EPHA6: variants seen among roughly 807,000 people sequenced by gnomAD.
EPHA6 encodes EPH receptor A6.
EPHA6 carries 50 observed loss-of-function variants against 112.0 expected under a neutral mutation model. The observed-to-expected ratio is 0.45, with a 90% CI of 0.36 to 0.56. The LOEUF is 0.56. Ranked by LOEUF, EPHA6 falls within the 20% of genes least tolerant of loss-of-function variation. The probability of loss-of-function intolerance (pLI) is 0.00; values close to 1 mark genes in which losing one functional copy is unlikely to be tolerated. For missense variants in EPHA6, 1,280 were observed against 1,417.4 expected, an observed-to-expected ratio of 0.90 and a Z score of 1.56; for synonymous variants, 529 against 490.7, an observed-to-expected ratio of 1.08 and a Z score of -1.03.
At chr3:97,348,631 A>G (rs897315815) in intron 5 of EPHA6, among the ~76,000 whole-genome samples, 10 of 152,250 alleles carry the variant, frequency 6.6e-5, no homozygotes, top group African/African-American at 2.4e-4. Context: ...CAGTTACAAA[A>G]TGTAATTAAT....
intron 3 of EPHA6, among the ~76,000 whole-genome samples, chr3:97,187,733 GAAAGAA>G (rs1390813841): frequency 6.8e-6 from 1 of 147,642 alleles, no homozygotes; most frequent in East Asian, 2.0e-4. Context: ...AAGAAAGAAA[GAAAGAA>G]AGAAAGAGGA....
chr3:97,543,553 G>C (rs1014549397), intron 11 of EPHA6, among the ~76,000 whole-genome samples: 1 of 152,108 alleles, frequency 6.6e-6, no homozygotes, highest in East Asian at 1.9e-4. Context: ...TGTTCTTTTG[G>C]CTTAGGATTG....
At chr3:96,817,807 G>C (rs914163410) in intron 1 of EPHA6, among the ~76,000 whole-genome samples, 9 of 151,790 alleles carry the variant, frequency 5.9e-5, no homozygotes, top group Admixed American at 2.0e-4. Flanking sequence ...AAATGATGAT[G>C]ATAATGACAA....
intron 3 of EPHA6, among the ~76,000 whole-genome samples, chr3:97,017,337 T>G (rs2107966441): frequency 6.6e-6 from 1 of 152,284 alleles, no homozygotes; most frequent in South Asian, 2.1e-4. Context: ...TGCATTGAAC[T>G]CAGTAGTCCT....
chr3:97,315,238 A>G (rs1409592560), intron 5 of EPHA6, among the ~76,000 whole-genome samples: 1 of 151,716 alleles, frequency 6.6e-6, no homozygotes, highest in Non-Finnish European at 1.5e-5. Flanking sequence ...ATAGCACACT[A>G]TCCACTTTCC....
intron 2 of EPHA6, among the ~76,000 whole-genome samples, chr3:96,950,712 G>C (rs1429384420): frequency 6.6e-6 from 1 of 152,030 alleles, no homozygotes; most frequent in Non-Finnish European, 1.5e-5. Flanking sequence ...TGCTATTGTA[G>C]TGTATATGTC....
intron 5 of EPHA6, among the ~76,000 whole-genome samples, chr3:97,283,333 G>A (rs1033380675): frequency 2.9e-4 from 44 of 151,776 alleles, no homozygotes; most frequent in Non-Finnish European, 5.0e-4. Flanking sequence ...AAGATAAATG[G>A]GAATAAATAT....
Position 97,753,285 on chromosome 3 carries a change from G to A in EPHA6, c.*4584G>A, listed in dbSNP as rs991983973. Among the ~76,000 whole-genome samples the A allele has an allele frequency of 6.6e-6, 1 of 152,042 alleles. No homozygotes were observed. Among genetic ancestry groups the A allele is most frequent in the East Asian group, 1.9e-4 (1 of 5,182 alleles). On this transcript the variant is annotated 3_prime_UTR_variant, in exon 18 of 18. Transcript: ENST00000389672. ...ATTATTAAAATTTAGAGCTTTATTT[G>A]CTATGTTTGCTATGGTTGCCATGTC...
At chr3:97,727,186 T>C (rs1050712529) in intron 15 of EPHA6, among the ~76,000 whole-genome samples, 1 of 152,160 alleles carries the variant, frequency 6.6e-6, no homozygotes, top group Middle Eastern at 3.4e-3. Flanking sequence ...CTTGGTGTTT[T>C]TGTTTTCATT....
intron 5 of EPHA6, among the ~76,000 whole-genome samples, chr3:97,377,885 G>A (rs111466477): frequency 0.057 from 8,641 of 152,108 alleles, 768 homozygotes; most frequent in African/African-American, 0.19. Flanking sequence ...AAGGGAAAGA[G>A]AGCATAAAAG....
chr3:97,528,845 A>T lies in EPHA6; in HGVS notation c.2201-3513A>T, dbSNP rs1385632457. Among the ~76,000 whole-genome samples, 4 of 152,154 alleles carry T rather than the reference A, an allele frequency of 2.6e-5. No individual in the cohort carries two copies. The East Asian group carries it at 7.7e-4, about 29-fold the overall frequency. On this transcript the variant is annotated intron_variant, in intron 10 of 17. Coordinates refer to ENST00000389672, the MANE Select transcript of EPHA6 (RefSeq NM_001080448.3). Reference sequence around the variant, plus strand: ...AGGAATGTTTTACCAACATCCAGGGAGATAGATGGGGTTATTAGCTAGTGA... The same window carrying T: ...AGGAATGTTTTACCAACATCCAGGGTGATAGATGGGGTTATTAGCTAGTGA...
At chr3:96,858,111 C>A (rs1021928831) in intron 1 of EPHA6, among the ~76,000 whole-genome samples, 9 of 152,036 alleles carry the variant, frequency 5.9e-5, no homozygotes, top group Non-Finnish European at 1.0e-4. Flanking sequence ...CTTGAATACT[C>A]GTCAAGTGGA....
At chr3:97,355,394 T>A (rs543537387) in intron 5 of EPHA6, among the ~76,000 whole-genome samples, 1 of 152,316 alleles carries the variant, frequency 6.6e-6, no homozygotes, top group Non-Finnish European at 1.5e-5. Context: ...TGTTTGTTAG[T>A]TATCTCTTTT....
chr3:97,290,744 C>G (rs1387377325), intron 5 of EPHA6, among the ~76,000 whole-genome samples: 1 of 151,656 alleles, frequency 6.6e-6, no homozygotes, highest in Non-Finnish European at 1.5e-5. Context: ...TTTCGCTACC[C>G]ATTCTAGTTT....
Position 97,322,875 on chromosome 3 carries a change from A to G in EPHA6, c.1606+78588A>G, listed in dbSNP as rs546696640. ...ATCCTCCTAACGAGAGCTGACCTATATAGTGACATTGCCTAGTATATTATT... is the reference window on the plus strand; with the variant it reads ...ATCCTCCTAACGAGAGCTGACCTATGTAGTGACATTGCCTAGTATATTATT... On this transcript the variant is annotated intron_variant, in intron 5 of 17. Coordinates refer to ENST00000389672, the MANE Select transcript of EPHA6 (RefSeq NM_001080448.3). Among the ~76,000 whole-genome samples the G allele has an allele frequency of 2.0e-5, 3 of 152,118 alleles. No homozygotes were observed. The South Asian group carries it at 6.2e-4, about 31-fold the overall frequency.
At chr3:97,740,721 C>T (rs1442377668) in intron 16 of EPHA6, among the ~76,000 whole-genome samples, 3 of 152,246 alleles carry the variant, frequency 2.0e-5, no homozygotes, top group South Asian at 2.1e-4. Context: ...CTCCATTTAG[C>T]GAATTATGCA....
intron 5 of EPHA6, among the ~76,000 whole-genome samples, chr3:97,345,572 T>C (rs2083492324): frequency 6.6e-6 from 1 of 152,170 alleles, no homozygotes; most frequent in African/African-American, 2.4e-5. Flanking sequence ...TGGTCAACTA[T>C]ACTAAATTAC....
intron 11 of EPHA6, among the ~76,000 whole-genome samples, chr3:97,586,934 A>G (rs2093495146): frequency 6.6e-6 from 1 of 152,206 alleles, no homozygotes; most frequent in African/African-American, 2.4e-5. Flanking sequence ...ACAGAACTCA[A>G]TACTGGATAC....
intron 3 of EPHA6, among the ~76,000 whole-genome samples, chr3:97,129,479 G>A (rs1415238221): frequency 6.6e-6 from 1 of 151,198 alleles, no homozygotes; most frequent in Admixed American, 6.6e-5. Context: ...TCCAGCCTGG[G>A]CGACAGACTT....
Sources: allele counts gnomAD v4.1 joint callset (sites outside exome capture counted in the v4.1 genomes callset), GRCh38; gene constraint gnomAD v4.1.1; transcripts MANE v1.5; gene names NCBI Gene and HGNC (gene_info 2026-07-23, HGNC 2026-07-21).